ARB2A: variants seen among roughly 807,000 people sequenced by gnomAD.
The protein encoded by ARB2A is cotranscriptional regulator ARB2A.
chr5:93,938,929 A>G, the ARB2A span, among the ~76,000 whole-genome samples: 1 of 152,232 alleles, frequency 6.6e-6, no homozygotes, highest in African/African-American at 2.4e-5. Context: ...TTGTGCCTGA[A>G]AAGTTTAATG....
At chr5:93,865,820 C>T in the ARB2A span, 12 of 985,226 alleles carry the variant, frequency 1.2e-5, no homozygotes, top group East Asian at 3.4e-4. Flanking sequence ...CACTACTTGC[C>T]GAATAGTAGG....
chr5:93,763,396 C>T, the ARB2A span, among the ~76,000 whole-genome samples: 1 of 152,222 alleles, frequency 6.6e-6, no homozygotes, highest in Non-Finnish European at 1.5e-5. Context: ...GGGTTGCAAT[C>T]CTAGTCTCTG....
the ARB2A span, among the ~76,000 whole-genome samples, chr5:93,860,246 T>A: frequency 1.3e-4 from 20 of 152,098 alleles, no homozygotes; most frequent in African/African-American, 4.8e-4. Context: ...TGAGCCAAGA[T>A]CGTGCCACTG....
the ARB2A span, among the ~76,000 whole-genome samples, chr5:93,897,740 G>A: frequency 6.6e-6 from 1 of 151,636 alleles, no homozygotes; most frequent in Non-Finnish European, 1.5e-5. Context: ...AATATTTGGG[G>A]GAGAGACTAC....
the ARB2A span, among the ~76,000 whole-genome samples, chr5:94,095,233 A>G: frequency 6.6e-6 from 1 of 152,230 alleles, no homozygotes; most frequent in Non-Finnish European, 1.5e-5. Flanking sequence ...AAAGACTGTA[A>G]TAGACACAGC....
chr5:93,951,412 T>C, the ARB2A span, among the ~76,000 whole-genome samples: 1 of 152,168 alleles, frequency 6.6e-6, no homozygotes, highest in Non-Finnish European at 1.5e-5. Flanking sequence ...CCAGTCCAAT[T>C]TCCTGGAGAG....
At chr5:93,770,197 T>C in the ARB2A span, among the ~76,000 whole-genome samples, 1 of 152,164 alleles carries the variant, frequency 6.6e-6, no homozygotes, top group East Asian at 1.9e-4. Context: ...ACTCAGGCTG[T>C]GCAACCACCT....
chr5:93,738,937 T>A, the ARB2A span: 1 of 152,160 alleles, frequency 6.6e-6, no homozygotes, highest in African/African-American at 2.4e-5. Context: ...AATGGCAAAT[T>A]TTATATTTTA....
chr5:93,925,241 T>C, the ARB2A span, among the ~76,000 whole-genome samples: 3 of 152,184 alleles, frequency 2.0e-5, no homozygotes, highest in African/African-American at 7.2e-5. Context: ...CTACATGACC[T>C]AGTAATTTGC....
chr5:93,915,655 G>C, the ARB2A span, among the ~76,000 whole-genome samples: 1 of 151,910 alleles, frequency 6.6e-6, no homozygotes, highest in Non-Finnish European at 1.5e-5. Context: ...CCAAATATCT[G>C]AGAACCACTA....
At chr5:93,953,251 T>C in the ARB2A span, among the ~76,000 whole-genome samples, 2 of 152,204 alleles carry the variant, frequency 1.3e-5, no homozygotes, top group African/African-American at 4.8e-5. Context: ...TAAGTATTTA[T>C]TGCAGTCTTT....
chr5:93,795,192 T>C, the ARB2A span, among the ~76,000 whole-genome samples: 112 of 152,058 alleles, frequency 7.4e-4, no homozygotes, highest in Non-Finnish European at 1.5e-3. Context: ...GGGGATTGTG[T>C]TCACCTCTGC....
At chr5:93,753,854 T>C in the ARB2A span, among the ~76,000 whole-genome samples, 3 of 152,172 alleles carry the variant, frequency 2.0e-5, no homozygotes, top group African/African-American at 7.2e-5. Flanking sequence ...TTAGTGAATC[T>C]AGGTTCAGGT....
At chr5:94,058,291 T>A in the ARB2A span, among the ~76,000 whole-genome samples, 3 of 152,098 alleles carry the variant, frequency 2.0e-5, no homozygotes, top group South Asian at 6.2e-4. Flanking sequence ...TTTAAAGGAA[T>A]AGAAGAAAAT....
the ARB2A span, among the ~76,000 whole-genome samples, chr5:93,992,948 GA>G: frequency 1.3e-5 from 2 of 151,620 alleles, no homozygotes; most frequent in African/African-American, 2.4e-5. Context: ...GACCTAACAG[GA>G]AAAAAATGGT....
chr5:93,772,363 G>A, the ARB2A span, among the ~76,000 whole-genome samples: 22 of 152,096 alleles, frequency 1.4e-4, no homozygotes, highest in African/African-American at 4.6e-4. Flanking sequence ...GCTAAATGAC[G>A]AGTTAATGGG....
At chr5:93,947,286 A>AGTGTTTACGAT in the ARB2A span, among the ~76,000 whole-genome samples, 1 of 152,266 alleles carries the variant, frequency 6.6e-6, no homozygotes, top group Non-Finnish European at 1.5e-5. Flanking sequence ...CGATTTTCAC[A>AGTGTTTACGAT]TTAAGTGTGT....
chr5:94,003,723 G>C, the ARB2A span, among the ~76,000 whole-genome samples: 8 of 151,894 alleles, frequency 5.3e-5, no homozygotes, highest in Admixed American at 2.0e-4. Flanking sequence ...GAAATGTAAA[G>C]ACATACCGTG....
At chr5:93,669,873 AT>A in the ARB2A span, among the ~76,000 whole-genome samples, 1 of 152,184 alleles carries the variant, frequency 6.6e-6, no homozygotes, top group South Asian at 2.1e-4. Context: ...TGCACTTGCT[AT>A]TTTTTCTTTC....
Sources: gnomAD v4.1 joint callset for allele counts (sites outside exome capture counted in the v4.1 genomes callset) on GRCh38, gnomAD v4.1.1 for gene constraint, MANE v1.5 for transcripts, NCBI Gene and HGNC (gene_info 2026-07-23, HGNC 2026-07-21) for gene names.